The following AGO4 variants were observed in gnomAD, a reference collection of about 807,000 sequenced individuals.
AGO4 encodes argonaute RISC component 4, also known as protein argonaute-4.
In AGO4, 33 loss-of-function variants were observed where a neutral mutation model predicts 104.7. The observed-to-expected ratio is 0.32, with a 90% confidence interval of 0.24 to 0.42. The LOEUF (loss-of-function observed/expected upper bound fraction) is 0.42, where lower values mean the gene tolerates loss of function less well. Among genes scored for constraint, AGO4 ranks in the 10% least tolerant of loss-of-function variants. The pLI is 1.00. For synonymous variants in AGO4, 331 were observed against 364.7 expected (o/e 0.91, Z 1.05); for missense variants, 711 against 1,083.4 (o/e 0.66, Z 4.83).
intron 17 of AGO4, 77 bp downstream of exon 17, chr1:35,851,130 T>C: frequency 4.4e-6 from 6 of 1,376,154 alleles, no homozygotes; most frequent in Non-Finnish European, 6.0e-6. Context: ...ATAGAAAACT[T>C]TTTTAAGGAT....
chr1:35,808,259 G>C lies in AGO4; in HGVS notation c.-158G>C. The stretch of plus-strand genomic sequence containing the variant: ...AGCCGGGTCCCTGTCCCCGGGCCGG[G>C]CGCCGCCGCCGCCCCCTGCCCAGCG... On this transcript the variant is annotated 5_prime_UTR_variant, in exon 1 of 18. Coordinates refer to ENST00000373210, the MANE Select transcript of AGO4 (RefSeq NM_017629.4). The surrounding 1 kb of genome is among the most constrained non-coding windows in gnomAD (Gnocchi z 5.2). The C allele has an allele frequency of 5.2e-6, 1 of 193,278 alleles. No homozygotes were observed. The highest frequency in any genetic ancestry group is 9.4e-6 in the Non-Finnish European group (1 of 106,090). The allele number at this position is 193,278 out of a possible 1,614,324, so 12.0% of individuals were successfully genotyped here.
intron 1 of AGO4, among the ~76,000 whole-genome samples, chr1:35,811,931 G>A (rs1643521958): frequency 6.6e-6 from 1 of 151,934 alleles, no homozygotes; most frequent in Admixed American, 6.6e-5. Context: ...ATCATCTCAT[G>A]GGATAGATGC....
chr1:35,839,083 C>A (rs1210412517), intron 13 of AGO4, among the ~76,000 whole-genome samples: 4 of 152,078 alleles, frequency 2.6e-5, no homozygotes, highest in African/African-American at 9.7e-5. Flanking sequence ...CAGGCTCAAG[C>A]AATCTTCCCA....
chr1:35,810,238 T>G (rs1319604463), intron 1 of AGO4, among the ~76,000 whole-genome samples: 2 of 152,242 alleles, frequency 1.3e-5, no homozygotes, highest in Non-Finnish European at 2.9e-5. Context: ...TGCAGTACCT[T>G]GGAAACCCAA....
At chr1:35,816,745 G>A (rs1643713359) in intron 1 of AGO4, 137 bp from the exon 2 acceptor site, 7 of 932,376 alleles carry the variant, frequency 7.5e-6, no homozygotes, top group Non-Finnish European at 1.0e-5. Context: ...GTTGCAGTGA[G>A]CCAAGATCAA....
chr1:35,850,090 A>C, intron 15 of AGO4, 67 bp from the exon 16 acceptor site: 1 of 1,099,422 alleles, frequency 9.1e-7, no homozygotes, highest in South Asian at 1.5e-5. Context: ...TAACACACAA[A>C]AGAAAAAAAT....
At chr1:35,843,975 T>G (rs1644508693) in intron 15 of AGO4, among the ~76,000 whole-genome samples, 1 of 152,220 alleles carries the variant, frequency 6.6e-6, no homozygotes, top group African/African-American at 2.4e-5. Flanking sequence ...CTCTTGCCAA[T>G]CCACTTGCCC....
Position 35,850,844 on chromosome 1 carries a change from C to G in AGO4, c.2278-10C>G, listed in dbSNP as rs1295942968. ...AAAAAAAAACATTAATCATAAAACT[C>G]TCTCCTCAGGGAACCAGCCGTCCCT... On this transcript the variant is annotated splice_polypyrimidine_tract_variant and intron_variant, in intron 16 of 17. Transcript: ENST00000373210. The G allele has an allele frequency of 2.4e-6, 3 of 1,266,544 alleles. No homozygotes were observed. Among genetic ancestry groups the G allele is most frequent in the African/African-American group, 1.6e-5 (1 of 64,372 alleles). The allele number at this position is 1,266,544 out of a possible 1,614,324, so 78.5% of individuals were successfully genotyped here.
rs1460930130 is a variant in AGO4, at chr1:35,826,078, T to C, written c.760+18T>C. The C allele has an allele frequency of 2.5e-6, 4 of 1,612,962 alleles. No individual in the cohort carries two copies. The highest frequency in any genetic ancestry group is 2.7e-5 in the African/African-American group (2 of 74,924). ...AATCAGAGGTAAGTGTTTGCATTAA[T>C]GTAGTCTTGGAGAAGCAGCTCAGCA... On this transcript the variant is annotated intron_variant, in intron 6 of 17. Transcript: ENST00000373210.
At position 35,841,139 on chromosome 1, in the gene AGO4, GGC is replaced by G. The variant is rs779853689; in HGVS notation, c.1725-25_1725-24del. On this transcript the variant is annotated intron_variant, in intron 13 of 17. Transcript: ENST00000373210. This position sits in a 1 kb window ranked among gnomAD's most constrained non-coding sequence, Gnocchi z 4.7. ...AACATTTTCACTTATATGTCTGAGT[GGC>G]AACATCTCCTTAAATCTGAGCAGGC... The G allele has an allele frequency of 2.2e-5, 35 of 1,594,744 alleles. No homozygotes were observed. The highest frequency in any genetic ancestry group is 3.0e-5 in the Non-Finnish European group (35 of 1,165,198).
rs535803699 is a variant in AGO4 at position 35,808,672 on chromosome 1, C to G, written c.19+237C>G. Among the ~76,000 whole-genome samples, 4 of 152,076 alleles carry G rather than the reference C, an allele frequency of 2.6e-5. No individual in the cohort carries two copies. Among genetic ancestry groups the G allele is most frequent in the Non-Finnish European group, 4.4e-5 (3 of 67,984 alleles). On this transcript the variant is annotated intron_variant, in intron 1 of 17. Transcript: ENST00000373210. This position sits in a 1 kb window ranked among gnomAD's most constrained non-coding sequence, Gnocchi z 5.2. ...CAGGGGGGAGGTTCGGGAAGGTGACCGGCGCTGCCGGGCGGAGGCCACTCT... is the reference window on the plus strand; with the variant it reads ...CAGGGGGGAGGTTCGGGAAGGTGACGGGCGCTGCCGGGCGGAGGCCACTCT...
intron 13 of AGO4, among the ~76,000 whole-genome samples, chr1:35,837,994 C>T (rs773743093): frequency 1.3e-5 from 2 of 151,418 alleles, no homozygotes; most frequent in Non-Finnish European, 1.5e-5. Flanking sequence ...GCGATTCTCC[C>T]GCTTTAGTCT....
intron 2 of AGO4, among the ~76,000 whole-genome samples, chr1:35,817,650 C>T (rs1043177114): frequency 3.3e-5 from 5 of 152,118 alleles, no homozygotes; most frequent in African/African-American, 1.2e-4. Context: ...GCTGAGTATA[C>T]ATCCACTTTT....
At chr1:35,834,853 G>A (rs886083960) in intron 12 of AGO4, among the ~76,000 whole-genome samples, 2 of 151,766 alleles carry the variant, frequency 1.3e-5, no homozygotes, top group Non-Finnish European at 2.9e-5. Context: ...CCACAACCAC[G>A]CCCAGCTAAT....
intron 12 of AGO4, 133 bp from the exon 13 acceptor site, chr1:35,835,699 GAC>G (rs1644297972): frequency 1.5e-6 from 1 of 645,990 alleles, no homozygotes; most frequent in East Asian, 3.4e-5. Context: ...ATAAAAGGAA[GAC>G]ACATGAGAAG....
intron 1 of AGO4, among the ~76,000 whole-genome samples, chr1:35,809,769 G>A (rs971804714): frequency 1.3e-5 from 2 of 151,992 alleles, no homozygotes; most frequent in Non-Finnish European, 2.9e-5. Flanking sequence ...TCATTTTCTC[G>A]TCTATAAATT....
chr1:35,831,313 T>C, intron 7 of AGO4, 114 bp from the exon 8 acceptor site: 13 of 1,133,006 alleles, frequency 1.1e-5, no homozygotes, highest in Non-Finnish European at 1.6e-5. Flanking sequence ...GATCACGCCA[T>C]GCACTCCAGC....
Position 35,855,250 on chromosome 1 carries a change from C to T in AGO4, c.*1645C>T, listed in dbSNP as rs775249849. On this transcript the variant is annotated 3_prime_UTR_variant, in exon 18 of 18. Transcript: ENST00000373210. ...GGAAGGAGCTAGGGAAAGAGATAGA[C>T]ACAATGGGGTGAAAACAATTTTGCC... 15 of 152,790 alleles carry T rather than the reference C, an allele frequency of 9.8e-5. No individual in the cohort carries two copies. The highest frequency in any genetic ancestry group is 1.3e-4 in the Admixed American group (2 of 15,282). The allele number at this position is 152,790 out of a possible 1,614,324, so 9.5% of individuals were successfully genotyped here. A position where few individuals can be genotyped will look rare whatever the true frequency, so the allele number is the denominator to read the frequency against.
chr1:35,834,179 G>C lies in AGO4; in HGVS notation c.1564+5G>C. The C allele has an allele frequency of 6.4e-7, 1 of 1,555,394 alleles. No homozygotes were observed. Among genetic ancestry groups the C allele is most frequent in the Non-Finnish European group, 8.7e-7 (1 of 1,152,274 alleles). ...CTGGAAAGACACCAGTATATGGTAT[G>C]GACCCTTTTAATGCTGAATGAGGGA... On this transcript the variant is annotated splice_donor_5th_base_variant and intron_variant, in intron 12 of 17. Coordinates refer to ENST00000373210, the MANE Select transcript of AGO4 (RefSeq NM_017629.4).
Sources: gnomAD v4.1 joint callset for allele counts (sites outside exome capture counted in the v4.1 genomes callset) on GRCh38, gnomAD v4.1.1 for gene constraint, Gnocchi (gnomAD v3.1) non-coding constraint, MANE v1.5 for transcripts, NCBI Gene and HGNC (gene_info 2026-07-23, HGNC 2026-07-21) for gene names.